The following EML4 variants were observed in gnomAD, a reference collection of about 807,000 sequenced individuals.
EML4 encodes the protein echinoderm microtubule-associated protein-like 4.
In EML4, 72 loss-of-function variants were observed where a neutral mutation model predicts 129.0. The observed-to-expected ratio is 0.56, with a 90% CI of 0.46 to 0.68. The LOEUF (loss-of-function observed/expected upper bound fraction) is 0.68, where lower values mean the gene tolerates loss of function less well. Ranked by LOEUF, EML4 falls within the 30% of genes least tolerant of loss-of-function variation. The pLI is 0.00. For synonymous variants in EML4, 532 were observed against 405.0 expected, an observed-to-expected ratio of 1.31 and a Z score of -3.77; for missense variants, 1,363 against 1,190.6, an observed-to-expected ratio of 1.14 and a Z score of -2.13.
At chr2:42,269,417 G>T (rs901804931) in intron 6 of EML4, among the ~76,000 whole-genome samples, 1 of 152,238 alleles carries the variant, frequency 6.6e-6, no homozygotes, top group East Asian at 1.9e-4. Flanking sequence ...GATATTTACT[G>T]AGTGCTTATT....
intron 1 of EML4, among the ~76,000 whole-genome samples, chr2:42,195,494 A>G (rs1215156638): frequency 2.6e-5 from 4 of 152,174 alleles, no homozygotes; most frequent in Non-Finnish European, 5.9e-5. Context: ...TCCGTTTGTT[A>G]GGTTTTGTGG....
intron 1 of EML4, among the ~76,000 whole-genome samples, chr2:42,189,920 ACAT>A (rs1389102381): frequency 6.6e-6 from 1 of 152,154 alleles, no homozygotes; most frequent in South Asian, 2.1e-4. Context: ...TTGGTTACTA[ACAT>A]CATGAGACAT....
At chr2:42,191,852 T>C (rs1671602102) in intron 1 of EML4, among the ~76,000 whole-genome samples, 1 of 151,902 alleles carries the variant, frequency 6.6e-6, no homozygotes, top group Admixed American at 6.6e-5. Flanking sequence ...CTGAGGTCAA[T>C]AAGAAACCTG....
intron 1 of EML4, among the ~76,000 whole-genome samples, chr2:42,192,429 A>C (rs1178548422): frequency 6.6e-6 from 1 of 151,938 alleles, no homozygotes; most frequent in Non-Finnish European, 1.5e-5. Context: ...TAGTAAAGGC[A>C]GGGTTTCACC....
At chr2:42,244,290 G>T (rs548110843) in intron 1 of EML4, among the ~76,000 whole-genome samples, 2 of 152,034 alleles carry the variant, frequency 1.3e-5, no homozygotes, top group African/African-American at 4.8e-5. Context: ...ATAGAGACTG[G>T]ATTTCACCTT....
chr2:42,230,930 G>C (rs1266610699), intron 1 of EML4, among the ~76,000 whole-genome samples: 1 of 152,150 alleles, frequency 6.6e-6, no homozygotes, highest in Non-Finnish European at 1.5e-5. Context: ...TTACGTGTTA[G>C]TATAAATAAC....
At chr2:42,279,149 GAT>G (rs1666859463) in intron 6 of EML4, among the ~76,000 whole-genome samples, 2 of 152,032 alleles carry the variant, frequency 1.3e-5, no homozygotes, top group African/African-American at 4.8e-5. Context: ...ATTATTGCAA[GAT>G]GTGTGTGTGT....
chr2:42,194,667 T>C (rs900242665), intron 1 of EML4, among the ~76,000 whole-genome samples: 1 of 151,916 alleles, frequency 6.6e-6, no homozygotes, highest in Admixed American at 6.6e-5. Context: ...TGTACCACCA[T>C]GTCTAGCTTA....
intron 1 of EML4, among the ~76,000 whole-genome samples, chr2:42,173,773 G>A (rs1436001631): frequency 6.6e-6 from 1 of 152,200 alleles, no homozygotes; most frequent in East Asian, 1.9e-4. Context: ...GAGCACAGGA[G>A]TTGAAGGTTG....
chr2:42,273,052 G>C (rs1331192711), intron 6 of EML4, among the ~76,000 whole-genome samples: 4 of 152,076 alleles, frequency 2.6e-5, no homozygotes, highest in Non-Finnish European at 1.5e-5. Flanking sequence ...AGCAGAGCCA[G>C]GGTGTTAAAT....
intron 1 of EML4, among the ~76,000 whole-genome samples, chr2:42,226,581 T>C (rs1673974051): frequency 6.6e-6 from 1 of 151,946 alleles, no homozygotes; most frequent in African/African-American, 2.4e-5. Context: ...CACTTGAACC[T>C]GGGAGGCGCA....
Position 42,265,879 on chromosome 2 carries a change from C to T in EML4, c.667+1148C>T, listed in dbSNP as rs76972842. ...CCAAAAAAAGAGAGCAGACTTTTGG[C>T]GAATGCGTATTTAATTTAATTGCAC... On this transcript the variant is annotated intron_variant, in intron 6 of 22. Coordinates refer to ENST00000318522, the MANE Select transcript of EML4 (RefSeq NM_019063.5). 1.6e-3 allele frequency among the ~76,000 whole-genome samples: 240 copies of T among 152,254 alleles called. 6 individuals are homozygous for T. The East Asian group carries it at 0.041, about 26-fold the overall frequency.
intron 5 of EML4, 98 bp downstream of exon 5, chr2:42,263,404 T>C: frequency 1.2e-6 from 1 of 864,160 alleles, no homozygotes; most frequent in Non-Finnish European, 1.6e-6. Flanking sequence ...GAATCTTTTT[T>C]TTTTTTTTTT....
chr2:42,247,467 T>C (rs1572622951), intron 2 of EML4, among the ~76,000 whole-genome samples: 2 of 152,100 alleles, frequency 1.3e-5, no homozygotes, highest in African/African-American at 2.4e-5. Flanking sequence ...TCCCACTCTT[T>C]TCCCTCTTGG....
chr2:42,323,008 A>C (rs1427217253), intron 19 of EML4, among the ~76,000 whole-genome samples: 1 of 149,732 alleles, frequency 6.7e-6, no homozygotes, highest in Non-Finnish European at 1.5e-5. Flanking sequence ...TTCTGAAAAT[A>C]ATCTGTGTCC....
chr2:42,254,843 T>G (rs1319792474), intron 2 of EML4, among the ~76,000 whole-genome samples: 1 of 152,150 alleles, frequency 6.6e-6, no homozygotes, highest in Non-Finnish European at 1.5e-5. Context: ...CACAAATGTT[T>G]ATGGCAGCAC....
intron 1 of EML4, among the ~76,000 whole-genome samples, chr2:42,199,374 C>G (rs978239186): frequency 1.3e-5 from 2 of 152,074 alleles, no homozygotes; most frequent in Non-Finnish European, 2.9e-5. Flanking sequence ...ATAGTAAGAT[C>G]AAAACTTATA....
At chr2:42,249,767 T>C (rs1157032316) in intron 2 of EML4, among the ~76,000 whole-genome samples, 6 of 152,214 alleles carry the variant, frequency 3.9e-5, no homozygotes, top group African/African-American at 2.4e-5. Context: ...GAGTAAATTA[T>C]GCAGGACACT....
intron 2 of EML4, among the ~76,000 whole-genome samples, chr2:42,252,258 C>T (rs188742981): frequency 6.6e-6 from 1 of 152,236 alleles, no homozygotes; most frequent in African/African-American, 2.4e-5. Flanking sequence ...CTACTTGAGT[C>T]TGTCATTAAG....
Sources: gnomAD v4.1 joint callset for allele counts (sites outside exome capture counted in the v4.1 genomes callset) on GRCh38, gnomAD v4.1.1 for gene constraint, MANE v1.5 for transcripts, NCBI Gene and HGNC (gene_info 2026-07-23, HGNC 2026-07-21) for gene names.